Variants in DOCK2 observed in about 807,000 individuals in gnomAD.
The protein encoded by DOCK2 is dedicator of cytokinesis protein 2.
In DOCK2, 87 loss-of-function variants were observed where a neutral mutation model predicts 248.9. That is an observed-to-expected ratio of 0.35 (90% CI 0.29 to 0.42). The LOEUF (loss-of-function observed/expected upper bound fraction) is 0.42, where lower values mean the gene tolerates loss of function less well. DOCK2 is among the 10% of genes least tolerant of loss of function. The pLI is 1.00. For synonymous variants in DOCK2, 805 were observed against 821.6 expected, an observed-to-expected ratio of 0.98 and a Z score of 0.35; for missense variants, 1,747 against 2,300.2, an observed-to-expected ratio of 0.76 and a Z score of 4.92.
At chr5:169,726,472 T>C (rs953259284) in intron 22 of DOCK2, among the ~76,000 whole-genome samples, 2 of 152,232 alleles carry the variant, frequency 1.3e-5, no homozygotes, top group African/African-American at 2.4e-5. Flanking sequence ...TTCACTCTGA[T>C]GGTAGTTTCT....
At position 170,075,991 on chromosome 5, in the gene DOCK2, G is replaced by A; in HGVS notation, c.4773G>A (p.Val1591=). The change falls in exon 47 of 52, where the codon GTG becomes GTA. Residue 1591 remains valine, a synonymous_variant. Coordinates refer to ENST00000520908, the MANE Select transcript of DOCK2 (RefSeq NM_004946.3). ...GAGIKIHEKR[V]SDNLRPFHDR... ...GGATTAAGATCCATGAGAAAAGGGT[G>A]TCAGATAACTTGCGACCCTTCCATG... is the stretch of plus-strand genomic sequence containing the variant. The A allele has an allele frequency of 6.2e-7, 1 of 1,614,192 alleles. No homozygotes were observed. The highest frequency in any genetic ancestry group is 8.5e-7 in the Non-Finnish European group (1 of 1,180,022).
chr5:169,984,031 A>G (rs1265557740), intron 28 of DOCK2, among the ~76,000 whole-genome samples: 3 of 152,208 alleles, frequency 2.0e-5, no homozygotes, highest in African/African-American at 7.2e-5. Context: ...GTATGGAAGG[A>G]AAGGTTTCTG....
At chr5:169,665,920 G>A (rs1229832397) in intron 2 of DOCK2, among the ~76,000 whole-genome samples, 1 of 152,154 alleles carries the variant, frequency 6.6e-6, no homozygotes, top group African/African-American at 2.4e-5. Context: ...TATTTGAGAT[G>A]TGAAAAGGGA....
At chr5:169,809,723 C>T (rs1767619620) in intron 26 of DOCK2, among the ~76,000 whole-genome samples, 1 of 152,226 alleles carries the variant, frequency 6.6e-6, no homozygotes, top group South Asian at 2.1e-4. Context: ...TCTCTCCCAT[C>T]CCACTTGAAC....
chr5:170,077,762 A>G lies in DOCK2; in HGVS notation c.4919A>G (p.Tyr1640Cys), dbSNP rs1243151477. 2 of 1,613,850 alleles carry G rather than the reference A, an allele frequency of 1.2e-6. No homozygotes were observed. Among genetic ancestry groups the G allele is most frequent in the Non-Finnish European group, 8.5e-7 (1 of 1,179,974 alleles). The change falls in exon 48 of 52, where the codon TAC becomes TGC. Residue 1640 changes from tyrosine (Y) to cysteine (C), a missense_variant. Tyr to Cys is a radical substitution (Grantham distance 194). Transcript: ENST00000520908. The part of the protein sequence containing the change: ...VGRPRSMLRS[Y>C]RQMSIISLAS... ...CGTCCCAGGTCTATGCTGCGCTCATACAGACAGATGTCCATCATCTCTCTG... is the reference window on the plus strand; with the variant it reads ...CGTCCCAGGTCTATGCTGCGCTCATGCAGACAGATGTCCATCATCTCTCTG...
At chr5:170,046,324 C>T (rs372068850) in intron 39 of DOCK2, among the ~76,000 whole-genome samples, 16 of 152,324 alleles carry the variant, frequency 1.1e-4, no homozygotes, top group African/African-American at 3.8e-4. Context: ...TTAGCATCTC[C>T]ATGCTCAGGA....
intron 50 of DOCK2, 94 bp downstream of exon 50, chr5:170,080,377 A>G (rs1389500697): frequency 1.3e-6 from 2 of 1,558,224 alleles, no homozygotes; most frequent in Non-Finnish European, 1.7e-6. Context: ...TGTCTACACA[A>G]CAAAGTGGGC....
Position 169,803,105 on chromosome 5 carries a change from C to T in DOCK2, c.2602C>T (p.Leu868=), listed in dbSNP as rs567153191. 2 of 1,614,176 alleles carry T rather than the reference C, an allele frequency of 1.2e-6. No individual in the cohort carries two copies. Among genetic ancestry groups the T allele is most frequent in the African/African-American group, 1.3e-5 (1 of 75,064 alleles). ...LPVITKELKE[L]LEQKDDMQHQ... ...TGTCATCACCAAAGAGCTGAAGGAG[C>T]TGCTGGAGCAGAAGGATGACATGCA... Residue 868 remains leucine (L), a synonymous_variant, in exon 26 of 52, where the codon CTG becomes TTG. Coordinates refer to ENST00000520908, the MANE Select transcript of DOCK2 (RefSeq NM_004946.3).
intron 27 of DOCK2, among the ~76,000 whole-genome samples, chr5:169,979,357 C>T (rs1311447274): frequency 5.9e-5 from 9 of 152,164 alleles, no homozygotes; most frequent in African/African-American, 9.7e-5. Flanking sequence ...GAAGTAAGGT[C>T]TCAAACTTGT....
Position 169,781,233 on chromosome 5 carries a change from C to T in DOCK2, c.2554+19608C>T, listed in dbSNP as rs78207539. Among the ~76,000 whole-genome samples the T allele has an allele frequency of 8.8e-3, 1,346 of 152,270 alleles. 2 individuals carry two copies. The highest frequency in any genetic ancestry group is 0.014 in the Non-Finnish European group (963 of 68,024). On this transcript the variant is annotated intron_variant, in intron 25 of 51. Coordinates refer to ENST00000520908, the MANE Select transcript of DOCK2 (RefSeq NM_004946.3). The stretch of plus-strand genomic sequence containing the variant: ...AAAATCCACATAGAAATGGGGAGAA[C>T]GTGCAAACTCCACAGACAGTGGCCC...
intron 25 of DOCK2, among the ~76,000 whole-genome samples, chr5:169,787,932 G>A (rs551218706): frequency 2.0e-5 from 3 of 151,854 alleles, no homozygotes; most frequent in South Asian, 4.2e-4. Context: ...ATTGCCCATG[G>A]GAAATTATTT....
intron 26 of DOCK2, among the ~76,000 whole-genome samples, chr5:169,820,509 G>A (rs1032483483): frequency 3.3e-5 from 5 of 152,178 alleles, no homozygotes; most frequent in Non-Finnish European, 7.3e-5. Context: ...CAGGCAAACA[G>A]GTCTGGAGTG....
chr5:169,765,070 G>GCACGCA (rs1554098293), intron 25 of DOCK2, among the ~76,000 whole-genome samples: 1 of 146,500 alleles, frequency 6.8e-6, no homozygotes, highest in Non-Finnish European at 1.5e-5. Context: ...CTCTTTTAGC[G>GCACGCA]CACACACACA....
intron 36 of DOCK2, among the ~76,000 whole-genome samples, chr5:170,039,329 C>T (rs1756432535): frequency 6.6e-6 from 1 of 152,190 alleles, no homozygotes; most frequent in African/African-American, 2.4e-5. Flanking sequence ...TCTCCTAGTA[C>T]CATAGACCAC....
intron 22 of DOCK2, among the ~76,000 whole-genome samples, chr5:169,733,054 G>A (rs1487852999): frequency 6.6e-6 from 1 of 152,020 alleles, no homozygotes; most frequent in Non-Finnish European, 1.5e-5. Context: ...AGAGATAAGA[G>A]GTTTAATTGT....
At chr5:169,941,567 T>C (rs1454904761) in intron 27 of DOCK2, among the ~76,000 whole-genome samples, 2 of 152,158 alleles carry the variant, frequency 1.3e-5, no homozygotes, top group African/African-American at 4.8e-5. Context: ...GGCTGCACAG[T>C]GATGGAAAGA....
intron 27 of DOCK2, among the ~76,000 whole-genome samples, chr5:169,940,829 A>G (rs1776212484): frequency 6.6e-6 from 1 of 152,126 alleles, no homozygotes; most frequent in Non-Finnish European, 1.5e-5. Context: ...CTCGGTTCCT[A>G]CCTGGCCACA....
intron 36 of DOCK2, among the ~76,000 whole-genome samples, chr5:170,039,977 A>C (rs573734217): frequency 6.6e-6 from 1 of 152,220 alleles, no homozygotes; most frequent in Non-Finnish European, 1.5e-5. Context: ...TTCTGTTTCC[A>C]ACGGTGGCAG....
chr5:170,007,396 C>T (rs1476761431), intron 30 of DOCK2, among the ~76,000 whole-genome samples: 1 of 152,152 alleles, frequency 6.6e-6, no homozygotes, highest in Non-Finnish European at 1.5e-5. Flanking sequence ...GGCTTTCGTA[C>T]CAAAGAAACC....
Sources: allele counts gnomAD v4.1 joint callset (sites outside exome capture counted in the v4.1 genomes callset), GRCh38; gene constraint gnomAD v4.1.1; transcripts MANE v1.5; gene names NCBI Gene and HGNC (gene_info 2026-07-23, HGNC 2026-07-21).